Variants in MAGI2 observed in about 807,000 individuals in gnomAD.
The protein encoded by MAGI2 is membrane-associated guanylate kinase, WW and PDZ domain-containing protein 2.
MAGI2 carries 35 observed loss-of-function variants against 133.3 expected under a neutral mutation model. The observed-to-expected ratio is 0.26, with a 90% CI of 0.20 to 0.35. The LOEUF (loss-of-function observed/expected upper bound fraction) is 0.35, where lower values mean the gene tolerates loss of function less well. MAGI2 is among the 10% of genes least tolerant of loss of function. The pLI, the probability that MAGI2 is intolerant of heterozygous loss-of-function variation, is 1.00. For missense variants in MAGI2, 1,636 were observed against 1,863.4 expected (o/e 0.88, Z 2.25); for synonymous variants, 729 against 710.6 (o/e 1.03, Z -0.41).
At chr7:79,452,219 T>G (rs961333491) in intron 1 of MAGI2, among the ~76,000 whole-genome samples, 1 of 151,970 alleles carries the variant, frequency 6.6e-6, no homozygotes. Context: ...CGGACAACCA[T>G]TCATCTCCTC....
intron 1 of MAGI2, among the ~76,000 whole-genome samples, chr7:79,235,550 C>A (rs947322883): frequency 6.6e-6 from 1 of 152,188 alleles, no homozygotes; most frequent in African/African-American, 2.4e-5. Flanking sequence ...GGGAGTGACC[C>A]GATTTTCCAG....
chr7:78,308,269 C>T (rs932883804), intron 9 of MAGI2, among the ~76,000 whole-genome samples: 10 of 152,144 alleles, frequency 6.6e-5, no homozygotes, highest in African/African-American at 2.4e-4. Flanking sequence ...TGGTTCTCAG[C>T]CTGTCTGGAC....
chr7:78,194,465 G>C (rs1828531958), intron 12 of MAGI2, among the ~76,000 whole-genome samples: 1 of 151,814 alleles, frequency 6.6e-6, no homozygotes, highest in Non-Finnish European at 1.5e-5. Context: ...TTTACTCAAG[G>C]TCCTAACTTT....
At chr7:78,555,300 A>C (rs935332980) in intron 3 of MAGI2, among the ~76,000 whole-genome samples, 9 of 152,168 alleles carry the variant, frequency 5.9e-5, no homozygotes. Context: ...TCCATGTCAC[A>C]TAAAACTCAA....
chr7:79,061,754 TG>T (rs1053435476), intron 1 of MAGI2, among the ~76,000 whole-genome samples: 26 of 152,074 alleles, frequency 1.7e-4, no homozygotes, highest in Admixed American at 3.3e-4. Flanking sequence ...CAAAATGTTC[TG>T]GGACCAATTA....
At position 79,379,654 on chromosome 7, in the gene MAGI2, C is replaced by T. The variant is rs372448417; in HGVS notation, c.301+73366G>A. Among the ~76,000 whole-genome samples the T allele has an allele frequency of 7.7e-4, 117 of 152,074 alleles. 3 individuals are homozygous for T. In the East Asian group the frequency reaches 0.012, roughly 16 times the overall value. On this transcript the variant is annotated intron_variant, in intron 1 of 21. Coordinates refer to ENST00000354212, the MANE Select transcript of MAGI2 (RefSeq NM_012301.4). ...TCCTGACTTTTTAATGATTGCCATT[C>T]TAACTGGAGTGAGATGGTATCTCAT...
At chr7:78,490,447 C>A (rs1209146767) in intron 5 of MAGI2, among the ~76,000 whole-genome samples, 1 of 151,994 alleles carries the variant, frequency 6.6e-6, no homozygotes, top group Non-Finnish European at 1.5e-5. Flanking sequence ...TCTAATGTTT[C>A]TGAAATGGCA....
At chr7:78,231,045 T>C (rs1789916645) in intron 10 of MAGI2, among the ~76,000 whole-genome samples, 1 of 152,210 alleles carries the variant, frequency 6.6e-6, no homozygotes, top group East Asian at 1.9e-4. Context: ...GGGTCAGGCT[T>C]CATGCTGGAA....
At chr7:78,737,815 G>T (rs1029414570) in intron 2 of MAGI2, among the ~76,000 whole-genome samples, 2 of 151,960 alleles carry the variant, frequency 1.3e-5, no homozygotes, top group African/African-American at 4.8e-5. Flanking sequence ...AACATAGTAA[G>T]TATTAACAGA....
chr7:78,991,409 G>A (rs1026444363), intron 2 of MAGI2, among the ~76,000 whole-genome samples: 1 of 151,262 alleles, frequency 6.6e-6, no homozygotes, highest in South Asian at 2.1e-4. Context: ...TCTACACATA[G>A]AGACATATAT....
intron 9 of MAGI2, among the ~76,000 whole-genome samples, chr7:78,283,587 A>C (rs1795845470): frequency 6.6e-6 from 1 of 152,118 alleles, no homozygotes; most frequent in Non-Finnish European, 1.5e-5. Flanking sequence ...ATGATTTTAA[A>C]TTTCGTGTTT....
At chr7:78,959,288 G>A (rs1436449640) in intron 2 of MAGI2, among the ~76,000 whole-genome samples, 1 of 151,998 alleles carries the variant, frequency 6.6e-6, no homozygotes, top group Non-Finnish European at 1.5e-5. Flanking sequence ...AGGGGCTTTG[G>A]ATTACTCTAA....
At chr7:79,161,151 T>C (rs1353672663) in intron 1 of MAGI2, among the ~76,000 whole-genome samples, 3 of 152,064 alleles carry the variant, frequency 2.0e-5, no homozygotes, top group African/African-American at 7.2e-5. Flanking sequence ...CCCCTTTACC[T>C]AAATGTCTTA....
chr7:78,935,798 G>A (rs754133899), intron 2 of MAGI2, among the ~76,000 whole-genome samples: 33 of 152,112 alleles, frequency 2.2e-4, no homozygotes, highest in Non-Finnish European at 4.0e-4. Flanking sequence ...AGTTATATTG[G>A]TTGGTAGGAA....
intron 2 of MAGI2, among the ~76,000 whole-genome samples, chr7:78,842,286 G>A (rs1174413642): frequency 6.6e-6 from 1 of 151,974 alleles, no homozygotes; most frequent in Non-Finnish European, 1.5e-5. Context: ...ACTATAGCCT[G>A]GGGCAAGGCT....
At chr7:79,411,506 G>A (rs932400626) in intron 1 of MAGI2, 37 of 152,200 alleles carry the variant, frequency 2.4e-4, no homozygotes, top group African/African-American at 8.9e-4. Flanking sequence ...GTGTTCTCCA[G>A]AAGCTGGAAA....
chr7:79,032,254 C>T (rs28621420), intron 1 of MAGI2, among the ~76,000 whole-genome samples: 17,837 of 152,072 alleles, frequency 0.12, 1,482 homozygotes, highest in African/African-American at 0.24. Context: ...CGGTGGTTCA[C>T]GCCTGTAATC....
At chr7:78,284,017 T>TGTTAC (rs1175052070) in intron 9 of MAGI2, among the ~76,000 whole-genome samples, 2 of 152,140 alleles carry the variant, frequency 1.3e-5, no homozygotes, top group African/African-American at 4.8e-5. Flanking sequence ...CAACATTAAA[T>TGTTAC]AAATGCCTCA....
At chr7:79,425,995 T>G (rs1847346309) in intron 1 of MAGI2, among the ~76,000 whole-genome samples, 1 of 152,212 alleles carries the variant, frequency 6.6e-6, no homozygotes, top group South Asian at 2.1e-4. Flanking sequence ...AAATGATTGT[T>G]CAATCTATTG....
Sources: allele counts gnomAD v4.1 joint callset (sites outside exome capture counted in the v4.1 genomes callset), GRCh38; gene constraint gnomAD v4.1.1; transcripts MANE v1.5; gene names NCBI Gene and HGNC (gene_info 2026-07-23, HGNC 2026-07-21).